The following PCDHAC2 variants were observed in gnomAD, a reference collection of about 807,000 sequenced individuals.
The protein encoded by PCDHAC2 is protocadherin alpha subfamily C, 2.
PCDHAC2 carries 24 observed loss-of-function variants against 63.3 expected under a neutral mutation model. The observed-to-expected ratio is 0.38, with a 90% CI of 0.27 to 0.53. The LOEUF (loss-of-function observed/expected upper bound fraction) is 0.53, where lower values mean the gene tolerates loss of function less well. Ranked by LOEUF, PCDHAC2 falls within the 20% of genes least tolerant of loss-of-function variation. The pLI, the probability that PCDHAC2 is intolerant of heterozygous loss-of-function variation, is 0.81. For missense variants in PCDHAC2, 1,181 were observed against 1,275.2 expected, an observed-to-expected ratio of 0.93 and a Z score of 1.12; for synonymous variants, 569 against 529.4, an observed-to-expected ratio of 1.07 and a Z score of -1.03.
At chr5:140,975,899 G>A (rs2096688066) in intron 1 of PCDHAC2, among the ~76,000 whole-genome samples, 1 of 152,084 alleles carries the variant, frequency 6.6e-6, no homozygotes, top group African/African-American at 2.4e-5. Context: ...ATGGAGTTTT[G>A]TGACCATTAT....
At chr5:140,998,850 A>G (rs904977478) in intron 3 of PCDHAC2, among the ~76,000 whole-genome samples, 18 of 152,234 alleles carry the variant, frequency 1.2e-4, no homozygotes, top group Non-Finnish European at 2.1e-4. Context: ...GGTGTGAGCC[A>G]CATGCCTGGC....
At chr5:140,995,682 T>A (rs566340825) in intron 3 of PCDHAC2, among the ~76,000 whole-genome samples, 28 of 152,312 alleles carry the variant, frequency 1.8e-4, no homozygotes, top group East Asian at 9.6e-4. Context: ...GCATTTTTTT[T>A]AATTGTTAAA....
Position 140,967,745 on chromosome 5 carries a change from G to T in PCDHAC2, c.979G>T (p.Glu327Ter). Residue 327 changes from glutamate (E) to a stop codon, truncating the protein, a stop_gained, in exon 1 of 4, where the codon GAA (glutamate) becomes TAA (stop). Coordinates refer to ENST00000289269, the MANE Select transcript of PCDHAC2 (RefSeq NM_018899.6). LOFTEE classifies it high-confidence loss of function. The stretch of plus-strand genomic sequence containing the variant: ...AGTAATTGGGGGGCTGGATTATGAG[G>T]AAGCCTCCTCCTACCAGATCTATGT... ...VRVIGGLDYE[E>*]ASSYQIYVQA... 1 of 1,614,184 alleles carries T rather than the reference G, an allele frequency of 6.2e-7. No homozygotes were observed. The highest frequency in any genetic ancestry group is 8.5e-7 in the Non-Finnish European group (1 of 1,180,036).
chr5:141,010,146 C>T lies in PCDHAC2; in HGVS notation c.*209C>T. 2 of 1,584,410 alleles carry T rather than the reference C, an allele frequency of 1.3e-6. No homozygotes were observed. Among genetic ancestry groups the T allele is most frequent in the Non-Finnish European group, 1.7e-6 (2 of 1,164,258 alleles). On this transcript the variant is annotated 3_prime_UTR_variant, in exon 4 of 4. Coordinates refer to ENST00000289269, the MANE Select transcript of PCDHAC2 (RefSeq NM_018899.6). ...TAAGTCTGGTGTTAACTCTTTCTCTCCACTCTGGCTTGTTTTCAGAACCTA... is the reference window on the plus strand; with the variant it reads ...TAAGTCTGGTGTTAACTCTTTCTCTTCACTCTGGCTTGTTTTCAGAACCTA...
intron 3 of PCDHAC2, among the ~76,000 whole-genome samples, chr5:141,003,283 G>A (rs1331116001): frequency 3.3e-5 from 5 of 152,188 alleles, no homozygotes; most frequent in African/African-American, 1.2e-4. Flanking sequence ...GCCCAAATTG[G>A]ATTATAGGAT....
rs1314333890 is a variant in PCDHAC2, at chr5:141,000,908, T to TA, written c.2714-8708dup. ...GGGCAACAGATATAGACGCTGTCTCTAAAAAAAAAAATCCTGTGTGATTTA... is the reference window on the plus strand; with the variant it reads ...GGGCAACAGATATAGACGCTGTCTCTAAAAAAAAAAAATCCTGTGTGATTTA... On this transcript the variant is annotated intron_variant, in intron 3 of 3. Coordinates refer to ENST00000289269, the MANE Select transcript of PCDHAC2 (RefSeq NM_018899.6). Among the ~76,000 whole-genome samples the TA allele has an allele frequency of 4.2e-4, 62 of 147,094 alleles. 1 individual carries two copies. Among genetic ancestry groups the TA allele is most frequent in the South Asian group, 3.0e-3 (14 of 4,626 alleles).
chr5:140,972,290 C>T (rs1331683497), intron 1 of PCDHAC2, among the ~76,000 whole-genome samples: 1 of 151,820 alleles, frequency 6.6e-6, no homozygotes, highest in African/African-American at 2.4e-5. Flanking sequence ...TAGATGTGCG[C>T]CACCGTGTCT....
At chr5:140,981,583 T>TA (rs2096939530) in intron 2 of PCDHAC2, among the ~76,000 whole-genome samples, 1 of 152,098 alleles carries the variant, frequency 6.6e-6, no homozygotes, top group Non-Finnish European at 1.5e-5. Flanking sequence ...CAAAAATAAA[T>TA]AAAATAAAAC....
At chr5:140,983,142 CTTGGCATGCATG>C (rs1316699573) in intron 3 of PCDHAC2, among the ~76,000 whole-genome samples, 4 of 152,212 alleles carry the variant, frequency 2.6e-5, no homozygotes, top group Admixed American at 6.5e-5. Flanking sequence ...CTTTTAGTGC[CTTGGCATGCATG>C]TTGCCAAACA....
chr5:140,969,389 A>G (rs1554231753), intron 1 of PCDHAC2, 58 bp downstream of exon 1: 8 of 1,592,478 alleles, frequency 5.0e-6, no homozygotes, highest in Admixed American at 1.8e-5. Context: ...ACATCCCCCA[A>G]TATCCTGTGA....
intron 1 of PCDHAC2, among the ~76,000 whole-genome samples, chr5:140,972,550 A>G (rs534377572): frequency 6.6e-6 from 1 of 152,114 alleles, no homozygotes; most frequent in Admixed American, 6.5e-5. Context: ...TGCAGTGAGG[A>G]TTCTGAAGTA....
At chr5:140,970,554 G>A (rs72802985) in intron 1 of PCDHAC2, among the ~76,000 whole-genome samples, 7,177 of 152,136 alleles carry the variant, frequency 0.047, 194 homozygotes, top group Non-Finnish European at 0.062. Context: ...TTGTGTGTTC[G>A]TCTCCATATG....
rs782520879 is a variant in PCDHAC2, at chr5:141,009,808, T to A, written c.2895T>A (p.Ile965=). Residue 965 remains isoleucine (I), a synonymous_variant, in exon 4 of 4, where the codon ATT becomes ATA. Transcript: ENST00000289269. ...GGCAGGAGCCTACTAACAGCCAAAT[T>A]GACAAAAGTGACTTCATAACCTTCG... The part of the protein sequence containing the change: ...SIRQEPTNSQ[I]DKSDFITFGK... The A allele has an allele frequency of 1.2e-6, 2 of 1,613,832 alleles. No homozygotes were observed. The highest frequency in any genetic ancestry group is 2.2e-5 in the South Asian group (2 of 91,042).
intron 3 of PCDHAC2, among the ~76,000 whole-genome samples, chr5:140,985,312 G>C (rs961087434): frequency 2.0e-5 from 3 of 152,102 alleles, no homozygotes; most frequent in Non-Finnish European, 2.9e-5. Flanking sequence ...TAGCCTGGTG[G>C]CCAGAATTCA....
At position 140,968,979 on chromosome 5, in the gene PCDHAC2, G is replaced by A. The variant is rs782482075; in HGVS notation, c.2213G>A (p.Gly738Asp). The A allele has an allele frequency of 3.7e-6, 6 of 1,614,042 alleles. No individual in the cohort carries two copies. The highest frequency in any genetic ancestry group is 3.3e-5 in the South Asian group (3 of 91,076). Residue 738 changes from glycine to aspartate, a missense_variant, in exon 1 of 4, where the codon GGC becomes GAC. Transcript: ENST00000289269. ...IIKCYRYTAY[G>D]TACCGGFCGV... The stretch of plus-strand genomic sequence containing the variant: ...AAGTGCTACCGCTACACTGCGTATG[G>A]CACTGCATGCTGTGGAGGCTTCTGT...
rs781870271 is a variant in PCDHAC2, at chr5:140,968,199, T to C, written c.1433T>C (p.Ile478Thr). The C allele has an allele frequency of 4.3e-6, 7 of 1,613,986 alleles. No homozygotes were observed. The South Asian group carries it at 7.7e-5, about 18-fold the overall frequency. The stretch of plus-strand genomic sequence containing the variant: ...CTGGAGGACTCCTATTCCATCTACA[T>C]ACAGGAGAACAATTTGCCAGGTGTG... Reference protein sequence around the residue: ...SFLEDSYSIYIQENNLPGVLL... With the variant: ...SFLEDSYSIYTQENNLPGVLL... Residue 478 changes from isoleucine (I) to threonine (T), a missense_variant, in exon 1 of 4, where the codon ATA becomes ACA. By Grantham distance (89) the Ile-to-Thr change is moderately conservative. Transcript: ENST00000289269.
intron 3 of PCDHAC2, among the ~76,000 whole-genome samples, chr5:140,986,901 A>G (rs1289100953): frequency 6.6e-6 from 1 of 152,134 alleles, no homozygotes; most frequent in Non-Finnish European, 1.5e-5. Context: ...GCCCTATCCT[A>G]GACTAATGAA....
chr5:140,968,295 A>G lies in PCDHAC2; in HGVS notation c.1529A>G (p.Glu510Gly), dbSNP rs782722853. 4 of 1,613,916 alleles carry G rather than the reference A, an allele frequency of 2.5e-6. No homozygotes were observed. The Admixed American group carries it at 5.0e-5, about 20-fold the overall frequency. ...GCAGAGGTGACCTACTCCCTTCTGG[A>G]GAGGGAGATTCAAGGGCTGCCAGTC... ...ENAEVTYSLL[E>G]REIQGLPVTS... The change falls in exon 1 of 4, where the codon GAG becomes GGG. Residue 510 changes from glutamate to glycine, a missense_variant. Coordinates refer to ENST00000289269, the MANE Select transcript of PCDHAC2 (RefSeq NM_018899.6).
intron 3 of PCDHAC2, among the ~76,000 whole-genome samples, chr5:140,997,598 TG>T (rs1182118908): frequency 6.6e-5 from 10 of 152,124 alleles, no homozygotes; most frequent in Admixed American, 2.0e-4. Context: ...AACATGATTA[TG>T]GGGCGCATGA....
Sources: allele counts gnomAD v4.1 joint callset (sites outside exome capture counted in the v4.1 genomes callset), GRCh38; gene constraint gnomAD v4.1.1; transcripts MANE v1.5; gene names NCBI Gene and HGNC (gene_info 2026-07-23, HGNC 2026-07-21).